The following BICD1 variants were observed in gnomAD, a reference collection of about 807,000 sequenced individuals.
BICD1 encodes protein bicaudal D homolog 1.
A neutral mutation model predicts 92.5 loss-of-function variants in BICD1; 35 were observed. The observed-to-expected ratio is 0.38, with a 90% confidence interval of 0.29 to 0.50. The LOEUF (loss-of-function observed/expected upper bound fraction) is 0.50, where lower values mean the gene tolerates loss of function less well. Among genes scored for constraint, BICD1 ranks in the 20% least tolerant of loss-of-function variants. The probability of loss-of-function intolerance (pLI) is 0.93; values close to 1 mark genes in which losing one functional copy is unlikely to be tolerated. For missense variants in BICD1, 950 were observed against 1,189.8 expected, an observed-to-expected ratio of 0.80 and a Z score of 2.97; for synonymous variants, 429 against 465.1, an observed-to-expected ratio of 0.92 and a Z score of 1.00.
At chr12:32,344,390 G>T (rs1375759435) in intron 8 of BICD1, among the ~76,000 whole-genome samples, 1 of 125,280 alleles carries the variant, frequency 8.0e-6, no homozygotes, top group East Asian at 2.2e-4. Context: ...AGAGGGCCAG[G>T]TTAGTGAGAG....
chr12:32,264,912 C>T lies in BICD1; in HGVS notation c.427-29082C>T, dbSNP rs76058695. 6.8e-4 allele frequency among the ~76,000 whole-genome samples: 103 copies of T among 152,192 alleles called. No individual in the cohort carries two copies. In the East Asian group the frequency reaches 0.019, roughly 28 times the overall value. ...GTTTCTTTGTAACTGCTGCATTTTG[C>T]GTGATGTTTTGCAGAATAGGCATGT... is the stretch of plus-strand genomic sequence containing the variant. On this transcript the variant is annotated intron_variant, in intron 2 of 9. Coordinates refer to ENST00000652176, the MANE Select transcript of BICD1 (RefSeq NM_001714.4).
chr12:32,319,692 C>A (rs1309364184), intron 4 of BICD1, among the ~76,000 whole-genome samples: 2 of 152,108 alleles, frequency 1.3e-5, no homozygotes, highest in African/African-American at 2.4e-5. Context: ...ATTCTCCTGC[C>A]TCAGCCTTCC....
intron 2 of BICD1, among the ~76,000 whole-genome samples, chr12:32,267,785 C>T (rs893642035): frequency 1.3e-5 from 2 of 152,066 alleles, no homozygotes; most frequent in Admixed American, 6.6e-5. Flanking sequence ...TATTTTGTTT[C>T]ATTGTCTGAC....
At chr12:32,260,065 C>G (rs1592572952) in intron 2 of BICD1, among the ~76,000 whole-genome samples, 1 of 151,904 alleles carries the variant, frequency 6.6e-6, no homozygotes, top group African/African-American at 2.4e-5. Flanking sequence ...GCTGGGATTA[C>G]AGGCATGCAC....
intron 1 of BICD1, among the ~76,000 whole-genome samples, chr12:32,134,516 C>T (rs1490203195): frequency 1.3e-5 from 2 of 152,142 alleles, no homozygotes; most frequent in Non-Finnish European, 2.9e-5. Context: ...TGTCTAAGAG[C>T]AGAGTGAAAG....
chr12:32,132,574 T>G (rs1464364386), intron 1 of BICD1, among the ~76,000 whole-genome samples: 2 of 152,124 alleles, frequency 1.3e-5, no homozygotes, highest in African/African-American at 2.4e-5. Flanking sequence ...CCCTAGTCAC[T>G]GTCATTACAA....
At chr12:32,157,316 T>C (rs1422767750) in intron 1 of BICD1, among the ~76,000 whole-genome samples, 1 of 152,208 alleles carries the variant, frequency 6.6e-6, no homozygotes, top group African/African-American at 2.4e-5. Context: ...TTATTATAGA[T>C]GCAGACGTTA....
intron 8 of BICD1, among the ~76,000 whole-genome samples, chr12:32,363,174 A>G (rs1939398487): frequency 6.6e-6 from 1 of 152,198 alleles, no homozygotes; most frequent in South Asian, 2.1e-4. Flanking sequence ...AATGTCATAC[A>G]AGGGTACTCT....
chr12:32,141,167 C>A (rs941537617), intron 1 of BICD1, among the ~76,000 whole-genome samples: 3 of 152,172 alleles, frequency 2.0e-5, no homozygotes, highest in Non-Finnish European at 2.9e-5. Context: ...ACATAAGGCG[C>A]TCCATCTGCC....
chr12:32,252,073 AAT>A (rs1946552245), intron 2 of BICD1, among the ~76,000 whole-genome samples: 1 of 36,776 alleles, frequency 2.7e-5, no homozygotes, highest in Non-Finnish European at 5.2e-5. Context: ...ATATATTTAT[AAT>A]ATATATTTAT....
chr12:32,332,147 C>T (rs992294003), intron 5 of BICD1, among the ~76,000 whole-genome samples: 14 of 152,152 alleles, frequency 9.2e-5, no homozygotes, highest in African/African-American at 2.7e-4. Flanking sequence ...CGCATGTTCT[C>T]ACTTATAAGT....
intron 1 of BICD1, among the ~76,000 whole-genome samples, chr12:32,182,099 T>G (rs1944286790): frequency 6.6e-6 from 1 of 151,876 alleles, no homozygotes; most frequent in South Asian, 2.1e-4. Context: ...AAAGCAGAAT[T>G]TAAAGAATAT....
chr12:32,230,083 T>A (rs1239366212), intron 2 of BICD1, among the ~76,000 whole-genome samples: 2 of 152,020 alleles, frequency 1.3e-5, no homozygotes, highest in Non-Finnish European at 1.5e-5. Flanking sequence ...TCTGCTTCCA[T>A]CTCCTCACTG....
intron 2 of BICD1, among the ~76,000 whole-genome samples, chr12:32,243,286 GTA>G (rs1946285878): frequency 2.4e-5 from 1 of 40,884 alleles, no homozygotes; most frequent in African/African-American, 7.1e-5. Flanking sequence ...TTTTTTTTTT[GTA>G]TTTTTGGTAG....
intron 4 of BICD1, among the ~76,000 whole-genome samples, chr12:32,317,496 A>C (rs906766009): frequency 2.2e-4 from 34 of 152,120 alleles, no homozygotes; most frequent in African/African-American, 7.7e-4. Context: ...TTGGCTGCAT[A>C]AATGTCTTCT....
At chr12:32,311,890 G>A (rs1341976936) in intron 4 of BICD1, among the ~76,000 whole-genome samples, 1 of 152,208 alleles carries the variant, frequency 6.6e-6, no homozygotes, top group South Asian at 2.1e-4. Flanking sequence ...CAATTTCAAG[G>A]TATGGCAAGG....
chr12:32,270,968 C>T (rs982067596), intron 2 of BICD1, among the ~76,000 whole-genome samples: 51 of 152,176 alleles, frequency 3.4e-4, no homozygotes, highest in Non-Finnish European at 7.1e-4. Context: ...AGAGCAGCCG[C>T]TGGCCAGCCG....
intron 2 of BICD1, among the ~76,000 whole-genome samples, chr12:32,234,548 A>G (rs1946001531): frequency 6.7e-6 from 1 of 150,340 alleles, no homozygotes; most frequent in South Asian, 2.1e-4. Flanking sequence ...GGGAGCCAAG[A>G]TCGCACCACT....
At chr12:32,161,336 A>G (rs1943595365) in intron 1 of BICD1, among the ~76,000 whole-genome samples, 1 of 152,234 alleles carries the variant, frequency 6.6e-6, no homozygotes, top group South Asian at 2.1e-4. Flanking sequence ...GACTCCGTTA[A>G]TGGTATGTCA....
Sources: gnomAD v4.1 joint callset for allele counts (sites outside exome capture counted in the v4.1 genomes callset) on GRCh38, gnomAD v4.1.1 for gene constraint, MANE v1.5 for transcripts, NCBI Gene and HGNC (gene_info 2026-07-23, HGNC 2026-07-21) for gene names.